The following CSMD1 variants were observed in gnomAD, a reference collection of about 807,000 sequenced individuals.
The protein encoded by CSMD1 is CUB and sushi domain-containing protein 1.
Under a neutral mutation model 417.5 loss-of-function variants are expected in CSMD1, and 213 were observed. The ratio of observed to expected loss-of-function variants is 0.51; its 90% CI spans 0.46 to 0.57. The LOEUF (loss-of-function observed/expected upper bound fraction) is 0.57. Among genes scored for constraint, CSMD1 ranks in the 20% least tolerant of loss-of-function variants. The pLI, the probability that CSMD1 is intolerant of heterozygous loss-of-function variation, is 0.00. For synonymous variants in CSMD1, 2,862 were observed against 1,736.8 expected (o/e 1.65, Z -16.11); for missense variants, 6,923 against 4,529.7 (o/e 1.53, Z -15.17).
chr8:3,994,857 G>C (rs974626275), intron 5 of CSMD1, among the ~76,000 whole-genome samples: 4 of 152,088 alleles, frequency 2.6e-5, no homozygotes, highest in Non-Finnish European at 5.9e-5. Flanking sequence ...AATTTTCCAA[G>C]TAGCTTCTTC....
intron 5 of CSMD1, among the ~76,000 whole-genome samples, chr8:3,779,705 C>A (rs561652201): frequency 6.6e-6 from 1 of 151,924 alleles, no homozygotes; most frequent in Non-Finnish European, 1.5e-5. Context: ...CACTATCTAG[C>A]GCATATTTTA....
intron 5 of CSMD1, among the ~76,000 whole-genome samples, chr8:3,935,845 A>T (rs1025808461): frequency 5.9e-5 from 9 of 152,150 alleles, no homozygotes; most frequent in Admixed American, 5.2e-4. Flanking sequence ...TATCACTTTA[A>T]ATCAAAAGCT....
chr8:4,842,581 C>G (rs1354902513), intron 1 of CSMD1, among the ~76,000 whole-genome samples: 3 of 152,166 alleles, frequency 2.0e-5, no homozygotes, highest in South Asian at 2.1e-4. Flanking sequence ...GAGCATAGGG[C>G]ACATGTATCC....
intron 5 of CSMD1, among the ~76,000 whole-genome samples, chr8:3,815,164 T>C (rs1251981732): frequency 6.6e-6 from 1 of 152,214 alleles, no homozygotes; most frequent in African/African-American, 2.4e-5. Context: ...GGTGAGAAGC[T>C]GTTAAGTTTC....
At chr8:4,871,596 G>A (rs1802743420) in intron 1 of CSMD1, among the ~76,000 whole-genome samples, 1 of 152,068 alleles carries the variant, frequency 6.6e-6, no homozygotes, top group Non-Finnish European at 1.5e-5. Context: ...AGATCAAATG[G>A]TTTTCATGAA....
At chr8:4,138,259 T>C (rs544801540) in intron 3 of CSMD1, among the ~76,000 whole-genome samples, 28 of 150,152 alleles carry the variant, frequency 1.9e-4, no homozygotes, top group Middle Eastern at 3.4e-3. Flanking sequence ...CCTTTTCTCC[T>C]GGCTATGCCA....
chr8:3,769,651 G>C (rs1412708223), intron 5 of CSMD1, among the ~76,000 whole-genome samples: 1 of 152,074 alleles, frequency 6.6e-6, no homozygotes, highest in African/African-American at 2.4e-5. Context: ...TTAAGAGAAT[G>C]TTATAGCTCT....
chr8:4,027,029 A>C (rs925489497), intron 4 of CSMD1, among the ~76,000 whole-genome samples: 2 of 152,226 alleles, frequency 1.3e-5, no homozygotes, highest in African/African-American at 4.8e-5. Flanking sequence ...CATGATGTCA[A>C]GGAACACAGA....
At chr8:4,039,089 C>G (rs767059348) in intron 3 of CSMD1, among the ~76,000 whole-genome samples, 7 of 152,058 alleles carry the variant, frequency 4.6e-5, no homozygotes, top group Admixed American at 6.5e-5. Context: ...CTACATGGGA[C>G]AAGGCTATCG....
intron 8 of CSMD1, among the ~76,000 whole-genome samples, chr8:3,610,219 G>T (rs1361014113): frequency 3.3e-5 from 5 of 152,070 alleles, no homozygotes; most frequent in Non-Finnish European, 7.4e-5. Flanking sequence ...CTATCCCATG[G>T]AACATAAATA....
intron 46 of CSMD1, among the ~76,000 whole-genome samples, chr8:3,100,935 A>G (rs1049918484): frequency 9.9e-5 from 15 of 152,136 alleles, no homozygotes; most frequent in African/African-American, 3.6e-4. Flanking sequence ...TATCCAGCAC[A>G]TATAGAAGGA....
intron 17 of CSMD1, among the ~76,000 whole-genome samples, chr8:3,393,468 G>A (rs1403913763): frequency 1.3e-5 from 2 of 152,056 alleles, no homozygotes; most frequent in East Asian, 1.9e-4. Flanking sequence ...TTTTAGGGAT[G>A]GAGAGAAAGA....
intron 3 of CSMD1, among the ~76,000 whole-genome samples, chr8:4,147,599 G>A (rs893246266): frequency 9.9e-5 from 15 of 151,890 alleles, no homozygotes; most frequent in African/African-American, 1.5e-4. Flanking sequence ...AAATAATATC[G>A]GTTCCCTAAT....
intron 26 of CSMD1, among the ~76,000 whole-genome samples, chr8:3,273,875 C>T (rs1026131842): frequency 6.6e-6 from 1 of 152,098 alleles, no homozygotes; most frequent in South Asian, 2.1e-4. Context: ...TTTCAAAAAA[C>T]CAGCTCCTGG....
intron 12 of CSMD1, among the ~76,000 whole-genome samples, chr8:3,428,628 C>T (rs772458866): frequency 6.6e-6 from 1 of 152,072 alleles, no homozygotes; most frequent in Non-Finnish European, 1.5e-5. Flanking sequence ...AGTACAGCCA[C>T]CATGGAAAAC....
At chr8:3,437,648 T>C (rs965590164) in intron 12 of CSMD1, among the ~76,000 whole-genome samples, 5 of 152,230 alleles carry the variant, frequency 3.3e-5, no homozygotes, top group Non-Finnish European at 5.9e-5. Flanking sequence ...GTGATTATAA[T>C]TTATTATTAA....
chr8:4,725,884 T>C (rs293873), intron 1 of CSMD1, among the ~76,000 whole-genome samples: 59,377 of 152,026 alleles, frequency 0.39, 14,702 homozygotes, highest in African/African-American at 0.71. Context: ...TAGACCCTGG[T>C]TGTGGGACTG....
chr8:4,499,024 A>G (rs958062592), intron 2 of CSMD1, among the ~76,000 whole-genome samples: 5 of 152,242 alleles, frequency 3.3e-5, no homozygotes, highest in African/African-American at 1.2e-4. Flanking sequence ...TTACCCAGGC[A>G]TAGAAATATC....
chr8:4,575,834 C>A (rs1799110420), intron 2 of CSMD1, among the ~76,000 whole-genome samples: 1 of 152,198 alleles, frequency 6.6e-6, no homozygotes, highest in Non-Finnish European at 1.5e-5. Flanking sequence ...TGTCCTTAGA[C>A]TAGATCATCT....
Sources: allele counts gnomAD v4.1 joint callset (sites outside exome capture counted in the v4.1 genomes callset), GRCh38; gene constraint gnomAD v4.1.1; transcripts MANE v1.5; gene names NCBI Gene and HGNC (gene_info 2026-07-23, HGNC 2026-07-21).